INSYN2B: variants seen among roughly 807,000 people sequenced by gnomAD.
The protein encoded by INSYN2B is protein INSYN2B.
INSYN2B carries 16 observed loss-of-function variants against 41.2 expected under a neutral mutation model. The ratio of observed to expected loss-of-function variants is 0.39; its 90% confidence interval spans 0.26 to 0.59. The LOEUF is 0.59. Ranked by LOEUF, INSYN2B falls within the 20% of genes least tolerant of loss-of-function variation. The pLI is 0.57. For missense variants in INSYN2B, 608 were observed against 646.4 expected (o/e 0.94, Z 0.64); for synonymous variants, 245 against 244.4 (o/e 1.00, Z -0.02).
intron 1 of INSYN2B, among the ~76,000 whole-genome samples, chr5:169,910,029 T>G (rs1181385188): frequency 6.6e-6 from 1 of 152,186 alleles, no homozygotes; most frequent in African/African-American, 2.4e-5. Context: ...CTCTCAGCCA[T>G]TGGAACAAAT....
intron 1 of INSYN2B, among the ~76,000 whole-genome samples, chr5:169,926,866 T>TA (rs1051244220): frequency 6.6e-6 from 1 of 151,746 alleles, no homozygotes; most frequent in African/African-American, 2.4e-5. Context: ...CTAGGTCTTC[T>TA]AAAAAAAAGA....
At chr5:169,902,966 C>T (rs1391418185) in intron 1 of INSYN2B, among the ~76,000 whole-genome samples, 3 of 152,030 alleles carry the variant, frequency 2.0e-5, no homozygotes, top group Admixed American at 6.5e-5. Flanking sequence ...GGTGTGGTGG[C>T]ACATGCCTGT....
intron 1 of INSYN2B, among the ~76,000 whole-genome samples, chr5:169,968,226 C>G (rs970903716): frequency 2.0e-5 from 3 of 152,162 alleles, no homozygotes; most frequent in Non-Finnish European, 2.9e-5. Flanking sequence ...TAATATGGCT[C>G]AAGGCATTCA....
chr5:169,974,195 C>A (rs1581492532), intron 1 of INSYN2B, among the ~76,000 whole-genome samples: 2 of 152,262 alleles, frequency 1.3e-5, no homozygotes, highest in Admixed American at 1.3e-4. Flanking sequence ...TCTTATCTAT[C>A]AAGTAAAAAT....
chr5:169,895,467 A>G (rs1344940703), intron 1 of INSYN2B, among the ~76,000 whole-genome samples: 2 of 151,970 alleles, frequency 1.3e-5, no homozygotes, highest in African/African-American at 2.4e-5. Flanking sequence ...CTAACCACCT[A>G]TACTCACCTG....
intron 1 of INSYN2B, among the ~76,000 whole-genome samples, chr5:169,898,969 T>A (rs1773769490): frequency 6.6e-6 from 1 of 151,930 alleles, no homozygotes; most frequent in African/African-American, 2.4e-5. Flanking sequence ...CATCCAGAAG[T>A]TAAGAACTCA....
chr5:169,966,721 G>A lies in INSYN2B; in HGVS notation c.-919+13556C>T, dbSNP rs560078207. Among the ~76,000 whole-genome samples the A allele has an allele frequency of 5.3e-5, 8 of 152,282 alleles. No individual in the cohort carries two copies. The South Asian group carries it at 1.4e-3, about 28-fold the overall frequency. ...TGAGACTATGGTCTCCTCACTCTGG[G>A]ACAAGTGTTGTTTCCTACTACCTCC... On this transcript the variant is annotated intron_variant, in intron 1 of 3. Transcript: ENST00000377365.
At chr5:169,941,589 T>C (rs1156965565) in intron 1 of INSYN2B, among the ~76,000 whole-genome samples, 1 of 152,190 alleles carries the variant, frequency 6.6e-6, no homozygotes, top group Non-Finnish European at 1.5e-5. Context: ...GAACCAAATC[T>C]GGCAGAACTT....
intron 3 of INSYN2B, 106 bp downstream of exon 3, chr5:169,881,262 T>C: frequency 4.5e-6 from 4 of 884,698 alleles, no homozygotes; most frequent in Non-Finnish European, 7.2e-6. Flanking sequence ...GTTAAATACC[T>C]TGTTTTTGCC....
At chr5:169,958,542 A>G (rs1444840492) in intron 1 of INSYN2B, among the ~76,000 whole-genome samples, 2 of 151,940 alleles carry the variant, frequency 1.3e-5, no homozygotes, top group African/African-American at 2.4e-5. Flanking sequence ...CCGTCTTACT[A>G]TTAAAATAGA....
Position 169,899,801 on chromosome 5 carries a change from G to A in INSYN2B, c.-918-14985C>T, listed in dbSNP as rs201478318. On this transcript the variant is annotated intron_variant, in intron 1 of 3. Transcript: ENST00000377365. ...ATGTGTTCACAGTGTTGTGCCTTTTGTTGACTCCATAAGTTTTTATTCTTA... is the reference window on the plus strand; with the variant it reads ...ATGTGTTCACAGTGTTGTGCCTTTTATTGACTCCATAAGTTTTTATTCTTA... Among the ~76,000 whole-genome samples the A allele has an allele frequency of 1.8e-4, 28 of 152,204 alleles. No individual in the cohort carries two copies. The East Asian group carries it at 3.9e-3, about 21-fold the overall frequency.
chr5:169,881,005 A>T (rs539100581), intron 3 of INSYN2B, among the ~76,000 whole-genome samples: 1 of 152,274 alleles, frequency 6.6e-6, no homozygotes, highest in East Asian at 1.9e-4. Flanking sequence ...GGATTTGAAA[A>T]ATCTGGATGT....
At chr5:169,940,962 C>T (rs1776219709) in intron 1 of INSYN2B, among the ~76,000 whole-genome samples, 1 of 152,152 alleles carries the variant, frequency 6.6e-6, no homozygotes, top group Non-Finnish European at 1.5e-5. Context: ...AGTGCCATGG[C>T]TGAGAGACCC....
Position 169,882,640 on chromosome 5 carries a change from T to G in INSYN2B, c.1259A>C (p.Glu420Ala). The change falls in exon 2 of 4, where the codon GAG (glutamate) becomes GCG (alanine). Residue 420 changes from glutamate to alanine, a missense_variant. By Grantham distance (107) the Glu-to-Ala change is moderately radical. Coordinates refer to ENST00000377365, the MANE Select transcript of INSYN2B (RefSeq NM_001129891.3). ...CTCTTGGTTCGAGTGCAGAGATTCCTCCACAGATTGCAGTCGGCCTTGGAG... is the reference window on the plus strand; with the variant it reads ...CTCTTGGTTCGAGTGCAGAGATTCCGCCACAGATTGCAGTCGGCCTTGGAG... The part of the protein sequence containing the change: ...CDLQGRLQSV[E>A]ESLHSNQEKI... 6.4e-7 allele frequency: 1 copy of G among 1,552,036 alleles called. No homozygotes were observed. Among genetic ancestry groups the G allele is most frequent in the Non-Finnish European group, 8.7e-7 (1 of 1,147,016 alleles).
chr5:169,868,943 G>T (rs1287804716), intron 3 of INSYN2B, among the ~76,000 whole-genome samples: 2 of 152,122 alleles, frequency 1.3e-5, no homozygotes, highest in Admixed American at 1.3e-4. Context: ...TTGAATGGAG[G>T]CTGCAGCACT....
chr5:169,923,075 G>C (rs1775260589), intron 1 of INSYN2B, among the ~76,000 whole-genome samples: 1 of 152,188 alleles, frequency 6.6e-6, no homozygotes, highest in Admixed American at 6.5e-5. Flanking sequence ...GGGGGACACA[G>C]AGCCACCACC....
chr5:169,969,266 A>G (rs1189245474), intron 1 of INSYN2B, among the ~76,000 whole-genome samples: 1 of 152,026 alleles, frequency 6.6e-6, no homozygotes, highest in Non-Finnish European at 1.5e-5. Flanking sequence ...CCAATATGGT[A>G]AAACACCATC....
intron 1 of INSYN2B, among the ~76,000 whole-genome samples, chr5:169,945,525 C>T (rs144154327): frequency 1.1e-4 from 17 of 152,324 alleles, no homozygotes; most frequent in Middle Eastern, 3.4e-3. Context: ...TCTTCCCAGG[C>T]GTTCTTTTTT....
At chr5:169,937,715 C>T (rs991884956) in intron 1 of INSYN2B, among the ~76,000 whole-genome samples, 2 of 152,156 alleles carry the variant, frequency 1.3e-5, no homozygotes, top group East Asian at 3.8e-4. Flanking sequence ...CATTTAGTAA[C>T]ACTTTTGCCC....
Sources: gnomAD v4.1 joint callset for allele counts (sites outside exome capture counted in the v4.1 genomes callset) on GRCh38, gnomAD v4.1.1 for gene constraint, MANE v1.5 for transcripts, NCBI Gene and HGNC (gene_info 2026-07-23, HGNC 2026-07-21) for gene names.